PRKCQ: variants seen among roughly 807,000 people sequenced by gnomAD.
PRKCQ encodes protein kinase C theta.
Under a neutral mutation model 91.2 loss-of-function variants are expected in PRKCQ, and 41 were observed. That is an observed-to-expected ratio of 0.45 (90% CI 0.35 to 0.58). The LOEUF (loss-of-function observed/expected upper bound fraction) is 0.58, where lower values mean the gene tolerates loss of function less well. Ranked by LOEUF, PRKCQ falls within the 20% of genes least tolerant of loss-of-function variation. The pLI is 0.00. For missense variants in PRKCQ, 673 were observed against 896.5 expected, an observed-to-expected ratio of 0.75 and a Z score of 3.18; for synonymous variants, 307 against 316.9, an observed-to-expected ratio of 0.97 and a Z score of 0.33.
rs1180770712 is a variant in PRKCQ at position 6,497,223 on chromosome 10, G to A, written c.571C>T (p.Arg191Ter). The A allele has an allele frequency of 2.5e-6, 4 of 1,614,014 alleles. No individual in the cohort carries two copies. The highest frequency in any genetic ancestry group is 1.7e-5 in the Admixed American group (1 of 60,030). ...CAACCAAAACCCTCTTACTTACGTCGGCACTGGTAGCCCTGTTTGTTCAGG... is the reference window on the plus strand; with the variant it reads ...CAACCAAAACCCTCTTACTTACGTCAGCACTGGTAGCCCTGTTTGTTCAGG... ...WGLNKQGYQC[R>*]QCNAAIHKKC... is the part of the protein sequence containing the mutation. Residue 191 changes from arginine (R) to a stop codon, truncating the protein, a stop_gained, in exon 6 of 18, where the codon CGA becomes TGA. Coordinates refer to ENST00000263125, the MANE Select transcript of PRKCQ (RefSeq NM_006257.5). LOFTEE classifies it high-confidence loss of function. The surrounding 1 kb of genome is among the most constrained non-coding windows in gnomAD (Gnocchi z 4.5).
At chr10:6,470,444 C>T (rs1411991422) in intron 12 of PRKCQ, among the ~76,000 whole-genome samples, 1 of 152,180 alleles carries the variant, frequency 6.6e-6, no homozygotes, top group Non-Finnish European at 1.5e-5. Flanking sequence ...ACTGTAATCA[C>T]CTCAAATACA....
In PRKCQ at chr10:6,497,324, A is replaced by G; in HGVS notation, c.543-73T>C. ...AGCACCAACAGCATTTAAGAGATGGATGAGATCTCATAACCCCCTAAGATC... is the reference window on the plus strand; with the variant it reads ...AGCACCAACAGCATTTAAGAGATGGGTGAGATCTCATAACCCCCTAAGATC... On this transcript the variant is annotated intron_variant, in intron 5 of 17. Coordinates refer to ENST00000263125, the MANE Select transcript of PRKCQ (RefSeq NM_006257.5). The surrounding 1 kb of genome is among the most constrained non-coding windows in gnomAD (Gnocchi z 4.5). 6.5e-7 allele frequency: 1 copy of G among 1,529,680 alleles called. No individual in the cohort carries two copies. Among genetic ancestry groups the G allele is most frequent in the East Asian group, 2.2e-5 (1 of 44,498 alleles). 94.8% of individuals were successfully genotyped at this position (1,529,680 alleles called of 1,614,324 possible). A position where few individuals can be genotyped will look rare whatever the true frequency, so the allele number is the denominator to read the frequency against.
At chr10:6,474,681 CCT>C (rs776738437) in intron 12 of PRKCQ, among the ~76,000 whole-genome samples, 3 of 152,002 alleles carry the variant, frequency 2.0e-5, no homozygotes, top group Non-Finnish European at 4.4e-5. Flanking sequence ...TTTATTTTTC[CCT>C]GTGTTTCAAA....
intron 15 of PRKCQ, 42 bp downstream of exon 15, chr10:6,456,632 A>C (rs893429219): frequency 1.2e-6 from 2 of 1,608,052 alleles, no homozygotes; most frequent in Non-Finnish European, 8.5e-7. Flanking sequence ...GCATGTGGCC[A>C]GGGCATGGTG....
chr10:6,424,796 G>A (rs1352281842), downstream of PRKCQ, among the ~76,000 whole-genome samples: 7 of 152,142 alleles, frequency 4.6e-5, no homozygotes, highest in African/African-American at 7.2e-5. Flanking sequence ...CCAGCCTCTC[G>A]TGCACAGGGA....
chr10:6,489,114 T>TC (rs1837120416), intron 8 of PRKCQ, among the ~76,000 whole-genome samples: 1 of 152,088 alleles, frequency 6.6e-6, no homozygotes, highest in Non-Finnish European at 1.5e-5. Context: ...TTTTTTTTTT[T>TC]CATGATTGTG....
intron 1 of PRKCQ, chr10:6,515,372 C>T (rs1838710000): frequency 1.4e-6 from 2 of 1,456,286 alleles, no homozygotes; most frequent in East Asian, 2.6e-5. Flanking sequence ...GAAGTCTGCA[C>T]TCAACCTTGC....
At chr10:6,567,104 A>T (rs1840863058) in intron 1 of PRKCQ, among the ~76,000 whole-genome samples, 1 of 152,210 alleles carries the variant, frequency 6.6e-6, no homozygotes, top group African/African-American at 2.4e-5. Flanking sequence ...CTCAAGAGAC[A>T]ATAATTGCAT....
intron 1 of PRKCQ, among the ~76,000 whole-genome samples, chr10:6,575,316 G>A (rs949884116): frequency 6.6e-6 from 1 of 152,124 alleles, no homozygotes; most frequent in African/African-American, 2.4e-5. Context: ...ATTGTCCTGG[G>A]AACTTGTCCT....
chr10:6,541,253 A>G (rs984082737), intron 1 of PRKCQ, among the ~76,000 whole-genome samples: 1 of 152,232 alleles, frequency 6.6e-6, no homozygotes, highest in African/African-American at 2.4e-5. Flanking sequence ...GACTCTGCGT[A>G]AAGGCTTTTG....
chr10:6,490,567 A>AAAAAAAAAACAAAGAAAAAC (rs1837234451), intron 8 of PRKCQ, among the ~76,000 whole-genome samples: 1 of 146,912 alleles, frequency 6.8e-6, no homozygotes, highest in African/African-American at 2.5e-5. Context: ...CTCTAAAAAA[A>AAAAAAAAAACAAAGAAAAAC]AAAAAAAACA....
chr10:6,462,517 A>G (rs1429738735), intron 13 of PRKCQ, 152 bp from the exon 14 acceptor site: 2 of 661,754 alleles, frequency 3.0e-6, no homozygotes, highest in African/African-American at 3.6e-5. Context: ...GATGTTGTCC[A>G]TTCATTCTAC....
chr10:6,482,899 A>G (rs148090920), intron 11 of PRKCQ, among the ~76,000 whole-genome samples: 8 of 152,230 alleles, frequency 5.3e-5, no homozygotes, highest in Admixed American at 2.0e-4. Context: ...ACCCATCCCC[A>G]TGATTCAATC....
chr10:6,516,706 T>G (rs913786236), intron 1 of PRKCQ, among the ~76,000 whole-genome samples: 1 of 152,140 alleles, frequency 6.6e-6, no homozygotes, highest in African/African-American at 2.4e-5. Context: ...TCTAGAGGGA[T>G]CACTAACTCA....
chr10:6,467,315 G>C (rs1588704492), intron 12 of PRKCQ, among the ~76,000 whole-genome samples: 1 of 135,484 alleles, frequency 7.4e-6, no homozygotes, highest in Non-Finnish European at 1.7e-5. Flanking sequence ...GAGAGAGAGA[G>C]AGAGACAGAG....
chr10:6,522,985 T>TA (rs955451713), intron 1 of PRKCQ, among the ~76,000 whole-genome samples: 3 of 150,722 alleles, frequency 2.0e-5, no homozygotes, highest in South Asian at 2.1e-4. Flanking sequence ...AAAAGAAACA[T>TA]AAAAAAAAAC....
intron 1 of PRKCQ, among the ~76,000 whole-genome samples, chr10:6,530,610 G>C (rs948706071): frequency 6.6e-6 from 1 of 152,220 alleles, no homozygotes; most frequent in Non-Finnish European, 1.5e-5. Flanking sequence ...GGAAGAGAAA[G>C]AAAGTGCAGA....
intron 11 of PRKCQ, among the ~76,000 whole-genome samples, chr10:6,481,943 G>A (rs947161258): frequency 6.6e-6 from 1 of 151,720 alleles, no homozygotes; most frequent in Non-Finnish European, 1.5e-5. Context: ...TGCAGTCACC[G>A]GTAGTTGGTT....
the PRKCQ span, among the ~76,000 whole-genome samples, chr10:6,419,193 ATCTC>A: frequency 0.017 from 2,643 of 151,626 alleles, 48 homozygotes; most frequent in African/African-American, 0.047. Context: ...CTATCTCTCT[ATCTC>A]TCTATTTGTC....
Sources: allele counts gnomAD v4.1 joint callset (sites outside exome capture counted in the v4.1 genomes callset), GRCh38; gene constraint gnomAD v4.1.1; non-coding constraint Gnocchi (gnomAD v3.1); transcripts MANE v1.5; gene names NCBI Gene and HGNC (gene_info 2026-07-23, HGNC 2026-07-21).